Variants in STARD7 observed in about 807,000 individuals in gnomAD.
The protein encoded by STARD7 is stAR-related lipid transfer protein 7, mitochondrial.
STARD7 carries 30 observed loss-of-function variants against 45.3 expected under a neutral mutation model. The observed-to-expected ratio is 0.66, with a 90% CI of 0.50 to 0.90. The LOEUF (loss-of-function observed/expected upper bound fraction) is 0.90. Ranked by LOEUF, STARD7 falls within the 40% of genes least tolerant of loss-of-function variation. The probability of loss-of-function intolerance (pLI) is 0.00; values close to 1 mark genes in which losing one functional copy is unlikely to be tolerated. For synonymous variants in STARD7, 199 were observed against 183.0 expected (o/e 1.09, Z -0.70); for missense variants, 495 against 491.3 (o/e 1.01, Z -0.07).
chr2:96,187,331 T>G, intron 6 of STARD7, 30 bp from the exon 7 acceptor site: 2 of 1,431,304 alleles, frequency 1.4e-6, no homozygotes, highest in Non-Finnish European at 2.0e-6. Context: ...AAAATGAAGA[T>G]CCCTGAATCA....
intron 6 of STARD7, among the ~76,000 whole-genome samples, chr2:96,189,288 T>C (rs986328633): frequency 1.3e-5 from 2 of 152,036 alleles, no homozygotes; most frequent in Non-Finnish European, 2.9e-5. Flanking sequence ...AACAGAAACA[T>C]TGCACACATA....
chr2:96,186,063 G>A lies in STARD7; in HGVS notation c.*667C>T, dbSNP rs1433640461. The A allele has an allele frequency of 6.6e-6, 1 of 152,082 alleles. No homozygotes were observed. Among genetic ancestry groups the A allele is most frequent in the African/African-American group, 2.4e-5 (1 of 41,408 alleles). The allele number at this position is 152,082 out of a possible 1,614,324, so 9.4% of individuals were successfully genotyped here. A position where few individuals can be genotyped will look rare whatever the true frequency, so the allele number is the denominator to read the frequency against. On this transcript the variant is annotated 3_prime_UTR_variant, in exon 8 of 8. Coordinates refer to ENST00000337288, the MANE Select transcript of STARD7 (RefSeq NM_020151.4). ...GTCAATGGGTGATATTGTGCAGGCA[G>A]GGAGGGAAATTTCTTTGTACAAATT...
chr2:96,197,208 C>A (rs1683235764), intron 1 of STARD7, among the ~76,000 whole-genome samples: 1 of 151,788 alleles, frequency 6.6e-6, no homozygotes, highest in Non-Finnish European at 1.5e-5. Flanking sequence ...AGTTCGAGAC[C>A]GGCCTGGGAA....
intron 3 of STARD7, 112 bp downstream of exon 3, chr2:96,194,846 G>T: frequency 1.2e-6 from 1 of 827,638 alleles, no homozygotes. Context: ...ATGACAGGTA[G>T]ATAGATGGAT....
chr2:96,192,241 T>G (rs748256833), intron 6 of STARD7, 128 bp downstream of exon 6: 12 of 758,982 alleles, frequency 1.6e-5, no homozygotes, highest in Non-Finnish European at 2.5e-5. Context: ...CCCAGACCAG[T>G]AGCATCAGAC....
chr2:96,192,260 G>T, intron 6 of STARD7, 109 bp downstream of exon 6: 1 of 890,018 alleles, frequency 1.1e-6, no homozygotes, highest in Non-Finnish European at 1.9e-6. Context: ...ACTCCCCCGA[G>T]CGAGAACTGT....
chr2:96,203,710 C>T (rs533934230), intron 1 of STARD7, among the ~76,000 whole-genome samples: 1 of 152,302 alleles, frequency 6.6e-6, no homozygotes, highest in South Asian at 2.1e-4. Context: ...TGCCTGTAAT[C>T]CCAGCACTTT....
chr2:96,187,038 G>T, intron 7 of STARD7, 124 bp from the exon 8 acceptor site: 2 of 1,000,660 alleles, frequency 2.0e-6, no homozygotes, highest in Non-Finnish European at 2.9e-6. Context: ...AACCTGACTA[G>T]CCTGTGAATA....
intron 1 of STARD7, among the ~76,000 whole-genome samples, chr2:96,203,224 C>G (rs572103265): frequency 6.6e-6 from 1 of 152,324 alleles, no homozygotes; most frequent in Admixed American, 6.5e-5. Context: ...CTTTAGGCTG[C>G]TGTGCCCAAT....
At chr2:96,195,118 G>A in intron 2 of STARD7, 111 bp from the exon 3 acceptor site, 1 of 1,021,044 alleles carries the variant, frequency 9.8e-7, no homozygotes, top group Non-Finnish European at 1.5e-6. Context: ...TTAAAGGCAG[G>A]TTCAGAAACT....
rs1321540562 is a variant in STARD7, at chr2:96,186,740, T to C, written c.1103A>G (p.Glu368Gly). The C allele has an allele frequency of 6.2e-7, 1 of 1,609,470 alleles. No individual in the cohort carries two copies. Among genetic ancestry groups the C allele is most frequent in the Non-Finnish European group, 8.5e-7 (1 of 1,178,212 alleles). Residue 368 changes from glutamate to glycine, a missense_variant, in exon 8 of 8, where the codon GAG (glutamate) becomes GGG (glycine). Around this residue, in one of 2 missense-constraint regions of STARD7, gnomAD observed 213 missense variants for 271.2 expected, o/e 0.79. Transcript: ENST00000337288. The part of the protein sequence containing the change: ...NEGSCGPARI[E>G]YA Reference sequence around the variant, plus strand: ...TTATCCCAAAGCCTGTCAAGCATACTCAATCCGAGCAGGGCCACAGCTGCC... The same window carrying C: ...TTATCCCAAAGCCTGTCAAGCATACCCAATCCGAGCAGGGCCACAGCTGCC...
Position 96,197,109 on chromosome 2 carries a change from A to AC in STARD7, c.291-1561_291-1560insG, listed in dbSNP as rs1354390447. Among the ~76,000 whole-genome samples the AC allele has an allele frequency of 9.7e-5, 14 of 144,506 alleles. 1 individual carries two copies. Among genetic ancestry groups the AC allele is most frequent in the East Asian group, 6.4e-4 (3 of 4,708 alleles). 94.8% of individuals were successfully genotyped at this position (144,506 alleles called of 152,430 possible). A position where few individuals can be genotyped will look rare whatever the true frequency, so the allele number is the denominator to read the frequency against. ...AATAAAATAAAATAAAATAAAATAA[A>AC]ATAAAATAAAATAAAGCCAAGCACA... On this transcript the variant is annotated intron_variant, in intron 1 of 7. Coordinates refer to ENST00000337288, the MANE Select transcript of STARD7 (RefSeq NM_020151.4).
chr2:96,189,154 G>A (rs374450667), intron 6 of STARD7, among the ~76,000 whole-genome samples: 13 of 151,976 alleles, frequency 8.6e-5, no homozygotes, highest in South Asian at 8.3e-4. Context: ...TCCCTGTGTT[G>A]CCCAGGCTGA....
At chr2:96,195,076 G>T (rs1211029635) in intron 2 of STARD7, 69 bp from the exon 3 acceptor site, 3 of 1,402,330 alleles carry the variant, frequency 2.1e-6, no homozygotes, top group Non-Finnish European at 3.0e-6. Context: ...CTTTCACCTA[G>T]CGGCGTTTCA....
chr2:96,195,373 G>C lies in STARD7; in HGVS notation c.467C>G (p.Pro156Arg). Residue 156 changes from proline (P) to arginine (R), a missense_variant, in exon 2 of 8, where the codon CCA (proline) becomes CGA (arginine). Physicochemically the swap from Pro to Arg is moderately radical, Grantham distance 103 (BLOSUM62 -2). This residue lies in a region of STARD7 where 282 missense variants were observed against 220.1 expected (regional missense o/e 1.28). Coordinates refer to ENST00000337288, the MANE Select transcript of STARD7 (RefSeq NM_020151.4). The stretch of plus-strand genomic sequence containing the variant: ...CTGGTAAAGGTGGGTGCCTGTAATT[G>C]GGCGCCGCCACAGCTTAAAGTGTTT... The part of the protein sequence containing the change: ...DKKHFKLWRR[P>R]ITGTHLYQYR... 6.3e-7 allele frequency: 1 copy of C among 1,588,566 alleles called. No homozygotes were observed. The highest frequency in any genetic ancestry group is 8.6e-7 in the Non-Finnish European group (1 of 1,167,252).
chr2:96,187,372 G>GTTATTCTATGGT, intron 6 of STARD7, 71 bp from the exon 7 acceptor site: 1 of 933,836 alleles, frequency 1.1e-6, no homozygotes. Flanking sequence ...CAGTACCATA[G>GTTATTCTATGGT]AATAACTATG....
At position 96,186,720 on chromosome 2, in the gene STARD7, C is replaced by T. The variant is rs1683042838; in HGVS notation, c.*10G>A. 1 of 1,598,772 alleles carries T rather than the reference C, an allele frequency of 6.3e-7. No homozygotes were observed. Among genetic ancestry groups the T allele is most frequent in the Admixed American group, 1.7e-5 (1 of 57,930 alleles). Reference sequence around the variant, plus strand: ...TAGAAGCACCTTGTCCCTTCTTATCCCAAAGCCTGTCAAGCATACTCAATC... The same window carrying T: ...TAGAAGCACCTTGTCCCTTCTTATCTCAAAGCCTGTCAAGCATACTCAATC... On this transcript the variant is annotated 3_prime_UTR_variant, in exon 8 of 8. Transcript: ENST00000337288.
At chr2:96,190,786 G>A (rs935745355) in intron 6 of STARD7, among the ~76,000 whole-genome samples, 1 of 152,100 alleles carries the variant, frequency 6.6e-6, no homozygotes, top group Non-Finnish European at 1.5e-5. Flanking sequence ...GGGACTACAG[G>A]CACATATCAC....
intron 1 of STARD7, among the ~76,000 whole-genome samples, chr2:96,198,936 C>T (rs1394956355): frequency 2.6e-5 from 4 of 152,272 alleles, no homozygotes; most frequent in South Asian, 2.1e-4. Context: ...TGTCGAAAAG[C>T]CTATTCCTTC....
Sources: allele counts gnomAD v4.1 joint callset (sites outside exome capture counted in the v4.1 genomes callset), GRCh38; gene constraint gnomAD v4.1.1; regional missense constraint gnomAD v4.1.1; transcripts MANE v1.5; gene names NCBI Gene and HGNC (gene_info 2026-07-23, HGNC 2026-07-21).